The following STK32B variants were observed in gnomAD, a reference collection of about 807,000 sequenced individuals.
The protein encoded by STK32B is serine/threonine kinase 32B.
Under a neutral mutation model 52.6 loss-of-function variants are expected in STK32B, and 43 were observed. That is an observed-to-expected ratio of 0.82 (90% CI 0.64 to 1.05). STK32B has a LOEUF of 1.05. Among genes scored for constraint, STK32B ranks in the 50% least tolerant of loss-of-function variants. The probability of loss-of-function intolerance (pLI) is 0.00; values close to 1 mark genes in which losing one functional copy is unlikely to be tolerated. For synonymous variants in STK32B, 238 were observed against 204.3 expected (o/e 1.17, Z -1.41); for missense variants, 621 against 534.6 (o/e 1.16, Z -1.59).
chr4:5,403,370 C>T (rs1476166865), intron 5 of STK32B, among the ~76,000 whole-genome samples: 3 of 152,286 alleles, frequency 2.0e-5, no homozygotes, highest in African/African-American at 7.2e-5. Flanking sequence ...GTCTGCTAAC[C>T]TTGCCTCACC....
At chr4:5,313,405 C>T (rs1212500784) in intron 3 of STK32B, among the ~76,000 whole-genome samples, 1 of 151,996 alleles carries the variant, frequency 6.6e-6, no homozygotes, top group Admixed American at 6.6e-5. Flanking sequence ...TTATAAGGAA[C>T]ATCACGGTGA....
At chr4:5,415,970 C>T (rs948178966) in intron 5 of STK32B, among the ~76,000 whole-genome samples, 3 of 152,152 alleles carry the variant, frequency 2.0e-5, no homozygotes, top group Non-Finnish European at 4.4e-5. Flanking sequence ...GTCCCACATG[C>T]CAAATGCCAC....
intron 3 of STK32B, among the ~76,000 whole-genome samples, chr4:5,265,785 T>C (rs1727020279): frequency 6.6e-6 from 1 of 152,244 alleles, no homozygotes; most frequent in Non-Finnish European, 1.5e-5. Flanking sequence ...TTGTAAACTT[T>C]ACATTTTTTA....
intron 6 of STK32B, among the ~76,000 whole-genome samples, chr4:5,439,694 A>T (rs1405406228): frequency 1.3e-5 from 2 of 152,176 alleles, no homozygotes; most frequent in African/African-American, 4.8e-5. Context: ...TATGTCCTGA[A>T]TGGTAATTCC....
chr4:5,428,674 A>G (rs755170610), intron 6 of STK32B, among the ~76,000 whole-genome samples: 10 of 152,166 alleles, frequency 6.6e-5, no homozygotes, highest in Non-Finnish European at 1.5e-4. Context: ...ATTTGATAAC[A>G]TTGCTCAGGT....
At chr4:5,108,489 C>T (rs1714228220) in intron 1 of STK32B, among the ~76,000 whole-genome samples, 1 of 152,104 alleles carries the variant, frequency 6.6e-6, no homozygotes, top group Non-Finnish European at 1.5e-5. Context: ...TCATAAAACA[C>T]GTTGGGAAAT....
intron 1 of STK32B, among the ~76,000 whole-genome samples, chr4:5,104,650 C>G (rs1714001577): frequency 6.6e-6 from 1 of 152,168 alleles, no homozygotes; most frequent in African/African-American, 2.4e-5. Flanking sequence ...AGAACATTAA[C>G]AGTATAACTC....
At chr4:5,160,482 C>A (rs988062928) in intron 2 of STK32B, among the ~76,000 whole-genome samples, 3 of 152,088 alleles carry the variant, frequency 2.0e-5, no homozygotes, top group Admixed American at 1.3e-4. Flanking sequence ...CCCCACACCT[C>A]TGTCCTCATG....
At chr4:5,275,214 T>C (rs913469051) in intron 3 of STK32B, among the ~76,000 whole-genome samples, 3 of 152,208 alleles carry the variant, frequency 2.0e-5, no homozygotes, top group African/African-American at 4.8e-5. Flanking sequence ...AAACCAATTA[T>C]ATAATATTAA....
intron 11 of STK32B, 46 bp from the exon 12 acceptor site, chr4:5,498,899 A>G: frequency 6.4e-7 from 1 of 1,560,984 alleles, no homozygotes; most frequent in Non-Finnish European, 8.7e-7. Context: ...ATGTGCCTCC[A>G]CAACCCCATG....
chr4:5,249,633 T>A (rs1159636898), intron 3 of STK32B, among the ~76,000 whole-genome samples: 2 of 152,162 alleles, frequency 1.3e-5, no homozygotes, highest in Non-Finnish European at 2.9e-5. Flanking sequence ...TTAACATTTT[T>A]AAAAATAATT....
chr4:5,146,803 A>G (rs1716949506), intron 2 of STK32B, among the ~76,000 whole-genome samples: 2 of 152,208 alleles, frequency 1.3e-5, no homozygotes, highest in Non-Finnish European at 2.9e-5. Context: ...TGCAAGTACT[A>G]GTCTGTCTTA....
chr4:5,444,367 G>C (rs1715159294), intron 6 of STK32B, among the ~76,000 whole-genome samples: 1 of 152,196 alleles, frequency 6.6e-6, no homozygotes, highest in Non-Finnish European at 1.5e-5. Context: ...CGATTTTCCA[G>C]GTGCCGTCCG....
At chr4:5,245,744 A>C (rs1336805265) in intron 3 of STK32B, among the ~76,000 whole-genome samples, 1 of 152,134 alleles carries the variant, frequency 6.6e-6, no homozygotes, top group Non-Finnish European at 1.5e-5. Flanking sequence ...TGCTTCCTTC[A>C]GGAGCTCTTT....
At chr4:5,331,990 A>G (rs1732285298) in intron 4 of STK32B, among the ~76,000 whole-genome samples, 2 of 152,210 alleles carry the variant, frequency 1.3e-5, no homozygotes, top group South Asian at 2.1e-4. Context: ...TGTATCATTC[A>G]TAAATGTTCT....
At chr4:5,041,562 T>C in the STK32B span, among the ~76,000 whole-genome samples, 1 of 151,870 alleles carries the variant, frequency 6.6e-6, no homozygotes, top group Non-Finnish European at 1.5e-5. Flanking sequence ...TCTAGGGAAG[T>C]TTTATAATGC....
intron 3 of STK32B, among the ~76,000 whole-genome samples, chr4:5,321,650 G>T (rs1731498112): frequency 2.0e-5 from 3 of 152,128 alleles, no homozygotes; most frequent in Admixed American, 1.3e-4. Flanking sequence ...AAGCATGAAG[G>T]ATATAGATTG....
intron 1 of STK32B, among the ~76,000 whole-genome samples, chr4:5,086,968 G>A (rs1238875200): frequency 6.6e-6 from 1 of 152,212 alleles, no homozygotes; most frequent in East Asian, 1.9e-4. Flanking sequence ...TGTAAGGATA[G>A]TATAGAGTAA....
intron 3 of STK32B, among the ~76,000 whole-genome samples, chr4:5,268,957 A>C (rs1416733147): frequency 6.6e-6 from 1 of 152,102 alleles, no homozygotes; most frequent in East Asian, 1.9e-4. Flanking sequence ...TGGGAGCTTT[A>C]GGATACCCCA....
Sources: gnomAD v4.1 joint callset for allele counts (sites outside exome capture counted in the v4.1 genomes callset) on GRCh38, gnomAD v4.1.1 for gene constraint, MANE v1.5 for transcripts, NCBI Gene and HGNC (gene_info 2026-07-23, HGNC 2026-07-21) for gene names.